The following ATP2B2 variants were observed in gnomAD, a reference collection of about 807,000 sequenced individuals.
ATP2B2 encodes the protein plasma membrane calcium-transporting ATPase 2.
A neutral mutation model predicts 120.0 loss-of-function variants in ATP2B2; 15 were observed. That is an observed-to-expected ratio of 0.12 (90% CI 0.08 to 0.19). ATP2B2 has a LOEUF of 0.19. Among genes scored for constraint, ATP2B2 ranks in the 10% least tolerant of loss-of-function variants. The pLI, the probability that ATP2B2 is intolerant of heterozygous loss-of-function variation, is 1.00. For synonymous variants in ATP2B2, 694 were observed against 700.3 expected (o/e 0.99, Z 0.14); for missense variants, 1,045 against 1,719.8 (o/e 0.61, Z 6.94).
chr3:10,646,473 GC>G (rs1251925418), intron 1 of ATP2B2, among the ~76,000 whole-genome samples: 4 of 152,102 alleles, frequency 2.6e-5, no homozygotes, highest in Non-Finnish European at 5.9e-5. Context: ...TGTGACGTTT[GC>G]GATTCCTCTT....
chr3:10,560,609 T>C (rs1003624667), intron 2 of ATP2B2, among the ~76,000 whole-genome samples: 1 of 152,164 alleles, frequency 6.6e-6, no homozygotes, highest in Non-Finnish European at 1.5e-5. Context: ...CCAAATCCTG[T>C]AGATTCTATA....
In ATP2B2 at chr3:10,544,285, G is replaced by T. The variant is rs914695452; in HGVS notation, c.-414-10152C>A. 2.0e-5 allele frequency among the ~76,000 whole-genome samples: 3 copies of T among 152,282 alleles called. No homozygotes were observed. In the South Asian group the frequency reaches 6.2e-4, roughly 32 times the overall value. On this transcript the variant is annotated intron_variant, in intron 2 of 21. Transcript: ENST00000646379. ...AAACCAGTGCCACTCACCACAAATA[G>T]GAGATGAGCACAACAACGAATTACA...
chr3:10,677,430 G>A (rs886275882), intron 1 of ATP2B2, among the ~76,000 whole-genome samples: 15 of 152,138 alleles, frequency 9.9e-5, no homozygotes, highest in South Asian at 2.1e-4. Flanking sequence ...TAGGTGGAGC[G>A]GGGATGTTTG....
chr3:10,682,252 T>G (rs1415910022), intron 1 of ATP2B2, among the ~76,000 whole-genome samples: 1 of 152,208 alleles, frequency 6.6e-6, no homozygotes, highest in Non-Finnish European at 1.5e-5. Context: ...TTTGCCCTGA[T>G]AGCAAGTTTG....
intron 2 of ATP2B2, among the ~76,000 whole-genome samples, chr3:10,616,116 C>T (rs957993448): frequency 2.0e-5 from 3 of 152,236 alleles, no homozygotes; most frequent in Non-Finnish European, 2.9e-5. Flanking sequence ...TAAATGGTCT[C>T]AGTTGCCAGG....
chr3:10,662,289 T>G (rs1290817898), intron 1 of ATP2B2, among the ~76,000 whole-genome samples: 1 of 151,720 alleles, frequency 6.6e-6, no homozygotes, highest in East Asian at 1.9e-4. Flanking sequence ...GAAACTACCA[T>G]CAGAGTGAAC....
chr3:10,439,922 T>A (rs1057193250), intron 2 of ATP2B2, among the ~76,000 whole-genome samples: 12 of 151,546 alleles, frequency 7.9e-5, no homozygotes, highest in African/African-American at 2.9e-4. Context: ...ACCCGGCTAA[T>A]TTTTGAAACC....
At chr3:10,657,610 T>C (rs878914628) in intron 1 of ATP2B2, among the ~76,000 whole-genome samples, 2 of 152,196 alleles carry the variant, frequency 1.3e-5, no homozygotes, top group Non-Finnish European at 2.9e-5. Context: ...AAGCTTGAAC[T>C]GGGTGGAGCC....
intron 12 of ATP2B2, among the ~76,000 whole-genome samples, chr3:10,367,816 C>T (rs1056353394): frequency 2.4e-4 from 36 of 152,306 alleles, no homozygotes; most frequent in African/African-American, 8.4e-4. Flanking sequence ...TGTGGGTTGT[C>T]ATACAAAGCA....
intron 3 of ATP2B2, among the ~76,000 whole-genome samples, chr3:10,511,776 G>A (rs191569371): frequency 2.3e-3 from 345 of 152,244 alleles, no homozygotes; most frequent in Non-Finnish European, 3.6e-3. Context: ...CTGACACTCC[G>A]CCATTCGTAA....
chr3:10,508,304 A>G (rs2066688733), upstream of ATP2B2, among the ~76,000 whole-genome samples: 1 of 152,098 alleles, frequency 6.6e-6, no homozygotes, highest in Non-Finnish European at 1.5e-5. Flanking sequence ...GTCCAACTCA[A>G]ATTCTGCTTC....
intron 1 of ATP2B2, among the ~76,000 whole-genome samples, chr3:10,627,665 C>T (rs774619267): frequency 2.2e-4 from 33 of 152,110 alleles, no homozygotes; most frequent in Admixed American, 3.9e-4. Context: ...GTCGGTGAAC[C>T]GCAAGGGAAG....
At chr3:10,481,915 C>T (rs776710698) in intron 1 of ATP2B2, among the ~76,000 whole-genome samples, 1 of 152,202 alleles carries the variant, frequency 6.6e-6, no homozygotes, top group East Asian at 1.9e-4. Context: ...TACTTATTGT[C>T]TATGTCCCTC....
chr3:10,549,291 G>A (rs748137467), intron 2 of ATP2B2, among the ~76,000 whole-genome samples: 3 of 152,114 alleles, frequency 2.0e-5, no homozygotes, highest in South Asian at 2.1e-4. Flanking sequence ...GTGCTGTACT[G>A]TTCACTTTTC....
intron 2 of ATP2B2, among the ~76,000 whole-genome samples, chr3:10,439,187 C>T (rs529179978): frequency 1.6e-4 from 24 of 152,252 alleles, no homozygotes; most frequent in Non-Finnish European, 2.9e-4. Context: ...CCCTTTGACC[C>T]ATCTGATGTC....
At chr3:10,520,757 C>CTTTT (rs5846668) in intron 3 of ATP2B2, among the ~76,000 whole-genome samples, 2 of 145,724 alleles carry the variant, frequency 1.4e-5, no homozygotes. Context: ...CACCTGGCCT[C>CTTTT]TTTTTTTTTT....
At chr3:10,691,031 A>G (rs1227707192) in intron 1 of ATP2B2, among the ~76,000 whole-genome samples, 1 of 152,234 alleles carries the variant, frequency 6.6e-6, no homozygotes, top group Non-Finnish European at 1.5e-5. Context: ...GGCACTTTCC[A>G]AAAGCCTACT....
intron 1 of ATP2B2, among the ~76,000 whole-genome samples, chr3:10,634,792 TC>T (rs1190144078): frequency 6.6e-6 from 1 of 152,122 alleles, no homozygotes; most frequent in Admixed American, 6.5e-5. Flanking sequence ...CTAAAGGAGC[TC>T]CCCTGTGAGC....
At chr3:10,410,580 G>T (rs2062575680) in intron 3 of ATP2B2, 38 bp downstream of exon 3, 1 of 1,560,806 alleles carries the variant, frequency 6.4e-7, no homozygotes, top group Non-Finnish European at 8.7e-7. Flanking sequence ...CGGTGGCCAG[G>T]TGTGCGGGGC....
Sources: allele counts gnomAD v4.1 joint callset (sites outside exome capture counted in the v4.1 genomes callset), GRCh38; gene constraint gnomAD v4.1.1; transcripts MANE v1.5; gene names NCBI Gene and HGNC (gene_info 2026-07-23, HGNC 2026-07-21).